COG6: variants seen among roughly 807,000 people sequenced by gnomAD.
COG6 encodes the protein conserved oligomeric Golgi complex subunit 6.
In COG6, 74 loss-of-function variants were observed where a neutral mutation model predicts 88.8. That is an observed-to-expected ratio of 0.83 (90% confidence interval 0.69 to 1.01). The LOEUF is 1.01. COG6 is among the 50% of genes least tolerant of loss of function. COG6 has a pLI of 0.00. For missense variants in COG6, 800 were observed against 797.9 expected (o/e 1.00, Z -0.03); for synonymous variants, 286 against 278.7 (o/e 1.03, Z -0.26).
At chr13:39,682,849 G>T (rs926391488) in intron 8 of COG6, among the ~76,000 whole-genome samples, 3 of 151,578 alleles carry the variant, frequency 2.0e-5, no homozygotes, top group African/African-American at 7.3e-5. Context: ...AAAATAAAAG[G>T]TAAATACTTT....
chr13:39,695,335 A>G (rs1877216120), intron 12 of COG6, among the ~76,000 whole-genome samples: 2 of 151,800 alleles, frequency 1.3e-5, no homozygotes, highest in African/African-American at 4.8e-5. Flanking sequence ...CAAAATATGC[A>G]TTCATTTTTG....
chr13:39,791,425 G>A (rs1356678469), exon 19 of COG6: 1 of 151,954 alleles, frequency 6.6e-6, no homozygotes, highest in Non-Finnish European at 1.5e-5. Context: ...TTATGTCTAT[G>A]GGTATTTTAT....
intron 13 of COG6, 132 bp from the exon 14 acceptor site, chr13:39,719,104 T>C: frequency 2.4e-6 from 2 of 835,266 alleles, no homozygotes; most frequent in Non-Finnish European, 3.9e-6. Context: ...AAGCTATTGA[T>C]AAATTATAGG....
At position 39,712,321 on chromosome 13, in the gene COG6, G is replaced by A. The variant is rs115165952; in HGVS notation, c.1285-6915G>A. On this transcript the variant is annotated intron_variant, in intron 13 of 18. Coordinates refer to ENST00000455146, the MANE Select transcript of COG6 (RefSeq NM_020751.3). ...TTTAGTTCATTTTCCCTATTAAATA[G>A]CATTTATAATGCCAAAATATTCCCT... Among the ~76,000 whole-genome samples the A allele has an allele frequency of 4.6e-3, 705 of 152,198 alleles. 6 individuals carry two copies. Among genetic ancestry groups the A allele is most frequent in the African/African-American group, 0.016 (651 of 41,510 alleles).
chr13:39,682,383 A>G (rs1450088629), intron 8 of COG6, 119 bp downstream of exon 8: 1 of 672,028 alleles, frequency 1.5e-6, no homozygotes, highest in Non-Finnish European at 2.7e-6. Context: ...AATAATTTAC[A>G]ACAATACTGT....
At chr13:39,679,749 G>A in intron 6 of COG6, 129 bp downstream of exon 6, 1 of 747,630 alleles carries the variant, frequency 1.3e-6, no homozygotes, top group Non-Finnish European at 2.4e-6. Context: ...TATCTTTAGA[G>A]AATGGTGAAG....
chr13:39,786,345 C>T (rs1460048374), intron 18 of COG6, among the ~76,000 whole-genome samples: 2 of 152,142 alleles, frequency 1.3e-5, no homozygotes, highest in Admixed American at 6.5e-5. Context: ...AACACTGGCT[C>T]GGCCCCTTTT....
chr13:39,731,449 A>G (rs528636134), intron 18 of COG6, among the ~76,000 whole-genome samples: 16 of 152,326 alleles, frequency 1.1e-4, no homozygotes, highest in Middle Eastern at 3.4e-3. Flanking sequence ...TTTTCAATGC[A>G]AAATCTCCAA....
chr13:39,665,108 C>A lies in COG6; in HGVS notation c.382C>A (p.Gln128Lys). 1 of 1,482,672 alleles carries A rather than the reference C, an allele frequency of 6.7e-7. No homozygotes were observed. Among genetic ancestry groups the A allele is most frequent in the South Asian group, 1.1e-5 (1 of 87,706 alleles). The allele number at this position is 1,482,672 out of a possible 1,614,324, so 91.8% of individuals were successfully genotyped here. The change falls in exon 4 of 19, where the codon CAG becomes AAG. Residue 128 changes from glutamine to lysine, a missense_variant. Coordinates refer to ENST00000455146, the MANE Select transcript of COG6 (RefSeq NM_020751.3). The stretch of plus-strand genomic sequence containing the variant: ...TTTATAATTTTAGGCAGCAAAGGAA[C>A]AGACTCAAGATTTAATAGTAAAAAC... ...MTSRLQAAKE[Q>K]TQDLIVKTTK...
chr13:39,655,795 G>A lies in COG6; in HGVS notation c.69G>A (p.Gly23=), dbSNP rs372786424. The A allele has an allele frequency of 4.0e-4, 640 of 1,598,608 alleles. 8 individuals carry two copies. The South Asian group carries it at 6.9e-3, about 17-fold the overall frequency. ...GGGCTGCCAACGGCCTCAACAATGG[G>A]GCAGGCGGGACCTCGGCGACGACCT... ...ATGAANGLNN[G]AGGTSATTCN... Residue 23 remains glycine (G), a synonymous_variant, in exon 1 of 19, where the codon GGG becomes GGA. Coordinates refer to ENST00000455146, the MANE Select transcript of COG6 (RefSeq NM_020751.3).
downstream of COG6, among the ~76,000 whole-genome samples, chr13:39,754,054 T>G (rs1256214525): frequency 6.6e-6 from 1 of 152,176 alleles, no homozygotes; most frequent in Non-Finnish European, 1.5e-5. Flanking sequence ...TCTACACATT[T>G]CTGTTTGAAA....
intron 18 of COG6, among the ~76,000 whole-genome samples, chr13:39,737,433 T>TC (rs1315685925): frequency 6.6e-6 from 1 of 151,562 alleles, no homozygotes. Context: ...TCCGAGTGGG[T>TC]CCAGAGAAGC....
intron 13 of COG6, among the ~76,000 whole-genome samples, chr13:39,703,458 T>G (rs1000345758): frequency 1.3e-5 from 2 of 152,134 alleles, no homozygotes; most frequent in Non-Finnish European, 2.9e-5. Context: ...CTTTATGCAT[T>G]AAGAATATTA....
At chr13:39,738,879 C>G (rs976202333) in intron 18 of COG6, among the ~76,000 whole-genome samples, 4 of 151,988 alleles carry the variant, frequency 2.6e-5, no homozygotes, top group Admixed American at 2.6e-4. Context: ...CTGCAAATAA[C>G]ATGAAATATA....
chr13:39,758,157 T>A (rs1593477694), intron 18 of COG6, among the ~76,000 whole-genome samples: 1 of 148,804 alleles, frequency 6.7e-6, no homozygotes, highest in South Asian at 2.2e-4. Context: ...GAGGTGAAGG[T>A]TTCGGTGAGT....
chr13:39,664,449 T>C (rs1445562796), intron 3 of COG6, among the ~76,000 whole-genome samples: 1 of 152,240 alleles, frequency 6.6e-6, no homozygotes, highest in African/African-American at 2.4e-5. Context: ...TCATTGTCTT[T>C]TGTTTAAAGC....
chr13:39,757,993 A>G (rs577087050), intron 18 of COG6, among the ~76,000 whole-genome samples: 10 of 151,370 alleles, frequency 6.6e-5, no homozygotes, highest in African/African-American at 2.4e-4. Context: ...AGGCCGAGGC[A>G]GGCAGATCAT....
At chr13:39,665,788 C>T (rs1875220231) in intron 4 of COG6, among the ~76,000 whole-genome samples, 1 of 152,188 alleles carries the variant, frequency 6.6e-6, no homozygotes, top group East Asian at 1.9e-4. Context: ...TTGGGTACAT[C>T]ACTTAAACCT....
At chr13:39,754,002 C>A (rs2138154119), downstream of COG6, among the ~76,000 whole-genome samples, 1 of 152,298 alleles carries the variant, frequency 6.6e-6, no homozygotes, top group East Asian at 1.9e-4. Context: ...TCAGATCTAG[C>A]AGATTCTTCT....
Sources: allele counts gnomAD v4.1 joint callset (sites outside exome capture counted in the v4.1 genomes callset), GRCh38; gene constraint gnomAD v4.1.1; transcripts MANE v1.5; gene names NCBI Gene and HGNC (gene_info 2026-07-23, HGNC 2026-07-21).